The following ARHGAP24 variants were observed in gnomAD, a reference collection of about 807,000 sequenced individuals.
ARHGAP24 encodes Rho GTPase activating protein 24.
A neutral mutation model predicts 76.4 loss-of-function variants in ARHGAP24; 50 were observed. The observed-to-expected ratio is 0.65, with a 90% CI of 0.52 to 0.83. ARHGAP24 has a LOEUF of 0.83. Ranked by LOEUF, ARHGAP24 falls within the 40% of genes least tolerant of loss-of-function variation. ARHGAP24 has a pLI of 0.00. For synonymous variants in ARHGAP24, 345 were observed against 323.3 expected (o/e 1.07, Z -0.72); for missense variants, 930 against 914.2 (o/e 1.02, Z -0.22).
intron 1 of ARHGAP24, among the ~76,000 whole-genome samples, chr4:85,558,515 C>T (rs1481772): frequency 0.85 from 128,960 of 152,040 alleles, 56,205 homozygotes; most frequent in East Asian, 0.98. Flanking sequence ...ACATCAAAGT[C>T]TACCATAATA....
intron 1 of ARHGAP24, among the ~76,000 whole-genome samples, chr4:85,513,768 T>G (rs1367440923): frequency 6.6e-6 from 1 of 152,204 alleles, no homozygotes; most frequent in Non-Finnish European, 1.5e-5. Context: ...CTTATCTTCT[T>G]CTTTGTGGTT....
chr4:85,580,574 C>T (rs976880274), intron 2 of ARHGAP24, among the ~76,000 whole-genome samples: 4 of 152,074 alleles, frequency 2.6e-5, no homozygotes, highest in Non-Finnish European at 5.9e-5. Context: ...CTCCACATGG[C>T]CCCAAAATTT....
intron 3 of ARHGAP24, among the ~76,000 whole-genome samples, chr4:85,823,060 T>C (rs1452553545): frequency 6.6e-6 from 1 of 152,218 alleles, no homozygotes; most frequent in Admixed American, 6.5e-5. Flanking sequence ...AAATGATCTC[T>C]TTATTATGAA....
At chr4:85,667,598 G>A (rs1406449823) in intron 2 of ARHGAP24, among the ~76,000 whole-genome samples, 16 of 152,192 alleles carry the variant, frequency 1.1e-4, no homozygotes, top group East Asian at 1.9e-4. Context: ...CGTCGCTCAC[G>A]CTGGGAGCTG....
chr4:85,801,904 T>C (rs1728594903), intron 3 of ARHGAP24, among the ~76,000 whole-genome samples: 1 of 152,226 alleles, frequency 6.6e-6, no homozygotes, highest in South Asian at 2.1e-4. Flanking sequence ...CCATTTTTAT[T>C]TGGGCTGGAT....
intron 2 of ARHGAP24, among the ~76,000 whole-genome samples, chr4:85,607,721 A>G (rs1243740990): frequency 1.6e-5 from 2 of 121,728 alleles, no homozygotes; most frequent in Non-Finnish European, 3.5e-5. Flanking sequence ...CGGCGTAGCT[A>G]TGGCTCCAAC....
chr4:85,729,083 C>T lies in ARHGAP24; in HGVS notation c.268+7111C>T, dbSNP rs541740123. On this transcript the variant is annotated intron_variant, in intron 3 of 9. Coordinates refer to ENST00000395184, the MANE Select transcript of ARHGAP24 (RefSeq NM_001025616.3). ...TTGTGTTAATTCTGTAAGTTAAAAT[C>T]CATGCAATTATATTTGTTACCCCAA... Among the ~76,000 whole-genome samples, 8 of 152,134 alleles carry T rather than the reference C, an allele frequency of 5.3e-5. No homozygotes were observed. The East Asian group carries it at 1.5e-3, about 29-fold the overall frequency.
At chr4:85,825,622 AAC>A (rs1300321068) in intron 3 of ARHGAP24, among the ~76,000 whole-genome samples, 1 of 152,206 alleles carries the variant, frequency 6.6e-6, no homozygotes, top group Non-Finnish European at 1.5e-5. Flanking sequence ...TCAATTGAAA[AAC>A]AAGCAGGACC....
chr4:85,498,737 C>T (rs1271259719), intron 1 of ARHGAP24, among the ~76,000 whole-genome samples: 2 of 152,152 alleles, frequency 1.3e-5, no homozygotes, highest in Non-Finnish European at 2.9e-5. Context: ...TCGAGTGAGC[C>T]TTCTCTACAC....
intron 3 of ARHGAP24, among the ~76,000 whole-genome samples, chr4:85,921,690 G>C (rs145083299): frequency 6.6e-6 from 1 of 152,058 alleles, no homozygotes; most frequent in Non-Finnish European, 1.5e-5. Context: ...TTAAAGCAGG[G>C]GACCCCAACC....
chr4:85,499,720 T>C (rs879486141), intron 1 of ARHGAP24, among the ~76,000 whole-genome samples: 2 of 152,162 alleles, frequency 1.3e-5, no homozygotes, highest in Non-Finnish European at 1.5e-5. Context: ...GGCTTAAAGA[T>C]GAGTACGGAA....
intron 3 of ARHGAP24, among the ~76,000 whole-genome samples, chr4:85,908,522 T>C (rs914848665): frequency 6.6e-6 from 1 of 152,204 alleles, no homozygotes; most frequent in Non-Finnish European, 1.5e-5. Context: ...TGTTGTAATT[T>C]GAAAGGTACA....
At chr4:85,927,395 A>G (rs968122796) in intron 4 of ARHGAP24, among the ~76,000 whole-genome samples, 1 of 152,124 alleles carries the variant, frequency 6.6e-6, no homozygotes. Flanking sequence ...TAAAATGAAA[A>G]TGTTCTAGAA....
At chr4:85,525,386 T>G (rs1257718854) in intron 1 of ARHGAP24, among the ~76,000 whole-genome samples, 1 of 151,922 alleles carries the variant, frequency 6.6e-6, no homozygotes, top group Non-Finnish European at 1.5e-5. Flanking sequence ...CTTTTTGCAT[T>G]CTTTAAGCTC....
chr4:85,994,471 CT>C (rs1740522301), intron 8 of ARHGAP24, 111 bp from the exon 9 acceptor site: 2 of 1,058,688 alleles, frequency 1.9e-6, no homozygotes, highest in Admixed American at 3.4e-5. Flanking sequence ...TGGTTTGGTA[CT>C]GATAATAATA....
intron 5 of ARHGAP24, among the ~76,000 whole-genome samples, chr4:85,944,664 G>A (rs1560736074): frequency 6.6e-6 from 1 of 152,056 alleles, no homozygotes; most frequent in Non-Finnish European, 1.5e-5. Flanking sequence ...TTTAAAAAAT[G>A]TCTAAACCCA....
intron 3 of ARHGAP24, among the ~76,000 whole-genome samples, chr4:85,851,640 C>G (rs112747741): frequency 1.5e-4 from 23 of 152,184 alleles, no homozygotes; most frequent in Non-Finnish European, 2.4e-4. Flanking sequence ...GTAAGGCAGG[C>G]CTGGTGGTGA....
intron 2 of ARHGAP24, among the ~76,000 whole-genome samples, chr4:85,641,661 C>G (rs909168477): frequency 2.0e-5 from 3 of 152,228 alleles, no homozygotes; most frequent in Non-Finnish European, 4.4e-5. Flanking sequence ...CCCCAAATCT[C>G]TCTTTGGATT....
At chr4:85,880,605 TG>T (rs1733195216) in intron 3 of ARHGAP24, among the ~76,000 whole-genome samples, 1 of 152,110 alleles carries the variant, frequency 6.6e-6, no homozygotes, top group South Asian at 2.1e-4. Context: ...CTCTGCTCAC[TG>T]CAAGCTCCGC....
Sources: gnomAD v4.1 joint callset for allele counts (sites outside exome capture counted in the v4.1 genomes callset) on GRCh38, gnomAD v4.1.1 for gene constraint, MANE v1.5 for transcripts, NCBI Gene and HGNC (gene_info 2026-07-23, HGNC 2026-07-21) for gene names.